OBI1: variants seen among roughly 807,000 people sequenced by gnomAD.
The protein encoded by OBI1 is ring finger protein 219.
Under a neutral mutation model 62.4 loss-of-function variants are expected in OBI1, and 59 were observed. The observed-to-expected ratio is 0.95, with a 90% confidence interval of 0.77 to 1.17. The LOEUF is 1.17. Ranked by LOEUF, OBI1 falls within the 50% of genes most tolerant of loss-of-function variation. OBI1 has a pLI of 0.00. For synonymous variants in OBI1, 302 were observed against 292.8 expected, an observed-to-expected ratio of 1.03 and a Z score of -0.32; for missense variants, 875 against 830.9, an observed-to-expected ratio of 1.05 and a Z score of -0.65.
At chr13:78,637,252 TTTAG>T (rs1476787828) in intron 4 of OBI1, among the ~76,000 whole-genome samples, 1 of 152,214 alleles carries the variant, frequency 6.6e-6, no homozygotes, top group African/African-American at 2.4e-5. Context: ...TACTCCACAC[TTTAG>T]TTTTTATCTC....
At chr13:78,617,353 A>T (rs959494568) in intron 5 of OBI1, 28 of 403,464 alleles carry the variant, frequency 6.9e-5, no homozygotes, top group Non-Finnish European at 1.0e-4. Flanking sequence ...TTTTGTGGTT[A>T]AATCAGATCT....
chr13:78,657,033 C>T (rs1355347338), intron 1 of OBI1, among the ~76,000 whole-genome samples: 4 of 151,880 alleles, frequency 2.6e-5, no homozygotes, highest in African/African-American at 9.7e-5. Flanking sequence ...GATCTGCCCG[C>T]CTCGGCCTCC....
intron 1 of OBI1, among the ~76,000 whole-genome samples, chr13:78,656,487 C>A (rs1246107178): frequency 6.6e-6 from 1 of 151,760 alleles, no homozygotes; most frequent in Admixed American, 6.6e-5. Flanking sequence ...GAGGCTGAGG[C>A]AGGAGAATTG....
intron 2 of OBI1, among the ~76,000 whole-genome samples, chr13:78,642,812 G>A (rs570047734): frequency 2.0e-5 from 3 of 152,222 alleles, no homozygotes; most frequent in East Asian, 1.9e-4. Context: ...GCATGAACCC[G>A]GGAGGCGGAG....
chr13:78,655,782 A>G (rs999665872), intron 1 of OBI1, among the ~76,000 whole-genome samples: 1 of 152,224 alleles, frequency 6.6e-6, no homozygotes, highest in Non-Finnish European at 1.5e-5. Flanking sequence ...TCTTTAAAAA[A>G]GAGCTAGGCA....
In OBI1 at chr13:78,615,445, C is replaced by T. The variant is rs901436698; in HGVS notation, c.*135G>A. ...TAAGTATTCTGGGTACAGGTTAATCCACCATCCTGACTTGATACTTGACTA... is the reference window on the plus strand; with the variant it reads ...TAAGTATTCTGGGTACAGGTTAATCTACCATCCTGACTTGATACTTGACTA... On this transcript the variant is annotated 3_prime_UTR_variant, in exon 6 of 6. Coordinates refer to ENST00000282003, the MANE Select transcript of OBI1 (RefSeq NM_024546.4). 10 of 607,954 alleles carry T rather than the reference C, an allele frequency of 1.6e-5. No individual in the cohort carries two copies. The East Asian group carries it at 2.7e-4, about 17-fold the overall frequency. The allele number at this position is 607,954 out of a possible 1,614,324, so 37.7% of individuals were successfully genotyped here. A position where few individuals can be genotyped will look rare whatever the true frequency, so the allele number is the denominator to read the frequency against.
At chr13:78,626,098 A>G (rs1566277539) in intron 5 of OBI1, among the ~76,000 whole-genome samples, 1 of 152,230 alleles carries the variant, frequency 6.6e-6, no homozygotes, top group South Asian at 2.1e-4. Flanking sequence ...AGATGCGGAC[A>G]AGAAACTCAA....
rs1875204176 is a variant in OBI1 at position 78,614,993 on chromosome 13, A to G, written c.*587T>C. 6.6e-6 allele frequency: 1 copy of G among 152,338 alleles called. No individual in the cohort carries two copies. Among genetic ancestry groups the G allele is most frequent in the Non-Finnish European group, 1.5e-5 (1 of 68,028 alleles). The allele number at this position is 152,338 out of a possible 1,614,324, so 9.4% of individuals were successfully genotyped here. A position where few individuals can be genotyped will look rare whatever the true frequency, so the allele number is the denominator to read the frequency against. On this transcript the variant is annotated 3_prime_UTR_variant, in exon 6 of 6. Transcript: ENST00000282003. ...ACATAAAACCTAAAAAAAGAAAGTAAATCAATATTGGACTAAGGCTAGAGT... is the reference window on the plus strand; with the variant it reads ...ACATAAAACCTAAAAAAAGAAAGTAGATCAATATTGGACTAAGGCTAGAGT...
At chr13:78,629,883 T>C (rs1322698392) in intron 5 of OBI1, among the ~76,000 whole-genome samples, 1 of 152,128 alleles carries the variant, frequency 6.6e-6, no homozygotes, top group Non-Finnish European at 1.5e-5. Context: ...AGTAGAGAGA[T>C]GTAAAAATTA....
At chr13:78,621,002 G>C (rs1249824036) in intron 5 of OBI1, among the ~76,000 whole-genome samples, 2 of 152,154 alleles carry the variant, frequency 1.3e-5, no homozygotes, top group African/African-American at 4.8e-5. Context: ...ATTCAGAAAT[G>C]CCTTCTTGAG....
intron 2 of OBI1, among the ~76,000 whole-genome samples, chr13:78,643,711 C>G (rs1876289750): frequency 6.6e-6 from 1 of 152,012 alleles, no homozygotes; most frequent in South Asian, 2.1e-4. Flanking sequence ...TCGCTTGAAC[C>G]CAGGAGGCAG....
chr13:78,649,568 G>C (rs1297821005), intron 1 of OBI1, among the ~76,000 whole-genome samples: 1 of 152,174 alleles, frequency 6.6e-6, no homozygotes, highest in Non-Finnish European at 1.5e-5. Flanking sequence ...AGAAAATACA[G>C]ACAATTCTTT....
intron 5 of OBI1, among the ~76,000 whole-genome samples, chr13:78,631,813 T>G (rs1258761216): frequency 6.6e-6 from 1 of 152,086 alleles, no homozygotes; most frequent in Non-Finnish European, 1.5e-5. Context: ...AAGTTAAAAT[T>G]GAGGAAGGAA....
chr13:78,638,387 AAG>A (rs1296809641), intron 4 of OBI1, among the ~76,000 whole-genome samples: 4 of 152,230 alleles, frequency 2.6e-5, no homozygotes, highest in African/African-American at 4.8e-5. Flanking sequence ...TCTTAAAAAT[AAG>A]AGAGTGGTAG....
At position 78,659,105 on chromosome 13, in the gene OBI1, G is replaced by C. The variant is rs143887833; in HGVS notation, c.16C>G (p.Gln6Glu). Residue 6 changes from glutamine to glutamate, a missense_variant, in exon 1 of 6, where the codon CAG becomes GAG. By Grantham distance (29) the Gln-to-Glu change is conservative. Transcript: ENST00000282003. MAQTVQNVTLSLTLPI... is the reference protein window; with the variant it reads MAQTVENVTLSLTLPI... ...AGAGTGAGCGACAATGTAACATTCT[G>C]CACGGTCTGAGCCATGGCAGCGTTC... The C allele has an allele frequency of 6.2e-6, 10 of 1,612,106 alleles. No homozygotes were observed. The African/African-American group carries it at 1.2e-4, about 19-fold the overall frequency.
intron 1 of OBI1, among the ~76,000 whole-genome samples, chr13:78,648,338 TAGAAG>T (rs1876449829): frequency 6.6e-6 from 1 of 151,086 alleles, no homozygotes; most frequent in African/African-American, 2.4e-5. Context: ...GCAATATTCC[TAGAAG>T]TACTATATGC....
rs1371172777 is a variant in OBI1 at position 78,616,080 on chromosome 13, A to G, written c.1681T>C (p.Ser561Pro). The change falls in exon 6 of 6, where the codon TCA (serine) becomes CCA (proline). Residue 561 changes from serine to proline, a missense_variant. By Grantham distance (74) the Ser-to-Pro change is moderately conservative (BLOSUM62 -1). Coordinates refer to ENST00000282003, the MANE Select transcript of OBI1 (RefSeq NM_024546.4). ...TTTGATAACCCATCCAAATCCAGTG[A>G]CTTAAAACCGTTATTACAAGGGCTC... is the stretch of plus-strand genomic sequence containing the variant. The part of the protein sequence containing the change: ...SKSPCNNGFK[S>P]LDLDGLSKSS... 4 of 1,614,052 alleles carry G rather than the reference A, an allele frequency of 2.5e-6. No homozygotes were observed. The South Asian group carries it at 4.4e-5, about 18-fold the overall frequency.
At position 78,644,846 on chromosome 13, in the gene OBI1, T is replaced by TA; in HGVS notation, c.208+15dup. On this transcript the variant is annotated intron_variant, in intron 2 of 5. Coordinates refer to ENST00000282003, the MANE Select transcript of OBI1 (RefSeq NM_024546.4). Reference sequence around the variant, plus strand: ...TTTCAAACCTATTCCTATGCATATATAAAACAGGCCCTTACCTATAATTTC... The same window carrying TA: ...TTTCAAACCTATTCCTATGCATATATAAAAACAGGCCCTTACCTATAATTTC... 2 of 1,612,214 alleles carry TA rather than the reference T, an allele frequency of 1.2e-6. No individual in the cohort carries two copies. Among genetic ancestry groups the TA allele is most frequent in the South Asian group, 2.2e-5 (2 of 91,058 alleles).
In OBI1 at chr13:78,642,334, C is replaced by T; in HGVS notation, c.209-121G>A. 6.4e-6 allele frequency: 4 copies of T among 629,086 alleles called. No homozygotes were observed. The South Asian group carries it at 8.0e-5, about 13-fold the overall frequency. 39.0% of individuals were successfully genotyped at this position (629,086 alleles called of 1,614,324 possible). On this transcript the variant is annotated intron_variant, in intron 2 of 5. Coordinates refer to ENST00000282003, the MANE Select transcript of OBI1 (RefSeq NM_024546.4). ...TCACATCTACCCTTCCCCTTACATA[C>T]ACACTTGGGGCTTACATCTAGGCCT...
Sources: allele counts gnomAD v4.1 joint callset (sites outside exome capture counted in the v4.1 genomes callset), GRCh38; gene constraint gnomAD v4.1.1; transcripts MANE v1.5; gene names NCBI Gene and HGNC (gene_info 2026-07-23, HGNC 2026-07-21).